The following FAM133B variants were observed in gnomAD, a reference collection of about 807,000 sequenced individuals.
FAM133B encodes the protein protein FAM133B.
Under a neutral mutation model 46.4 loss-of-function variants are expected in FAM133B, and 25 were observed. The ratio of observed to expected loss-of-function variants is 0.54; its 90% CI spans 0.39 to 0.75. FAM133B has a LOEUF of 0.75. FAM133B is among the 30% of genes least tolerant of loss of function. The pLI is 0.00. For synonymous variants in FAM133B, 75 were observed against 86.0 expected, an observed-to-expected ratio of 0.87 and a Z score of 0.71; for missense variants, 205 against 277.6, an observed-to-expected ratio of 0.74 and a Z score of 1.86.
chr7:92,570,005 T>G (rs1271298175), intron 8 of FAM133B, 90 bp from the exon 9 acceptor site: 7 of 519,540 alleles, frequency 1.3e-5, no homozygotes, highest in Non-Finnish European at 6.2e-6. Flanking sequence ...CTTCTAATTA[T>G]TATAATTACC....
chr7:92,588,452 A>C (rs1406535139), intron 1 of FAM133B, among the ~76,000 whole-genome samples: 1 of 152,228 alleles, frequency 6.6e-6, no homozygotes, highest in Admixed American at 6.5e-5. Context: ...GTGTTATGCT[A>C]CATAATTTCA....
intron 2 of FAM133B, among the ~76,000 whole-genome samples, chr7:92,581,104 T>G (rs530965399): frequency 6.6e-6 from 1 of 152,222 alleles, no homozygotes; most frequent in East Asian, 1.9e-4. Flanking sequence ...AATCAGTCAG[T>G]TTTTCTAATT....
intron 8 of FAM133B, among the ~76,000 whole-genome samples, chr7:92,570,475 T>C (rs1015796412): frequency 6.6e-6 from 1 of 152,110 alleles, no homozygotes; most frequent in African/African-American, 2.4e-5. Context: ...CTTAAATATA[T>C]ATTTGAAGAA....
At chr7:92,581,998 C>T (rs1208561444) in intron 1 of FAM133B, among the ~76,000 whole-genome samples, 2 of 152,156 alleles carry the variant, frequency 1.3e-5, no homozygotes, top group African/African-American at 4.8e-5. Context: ...CCTGTAACCC[C>T]AGCACTTTGG....
chr7:92,570,172 T>C (rs1334676585), intron 8 of FAM133B, among the ~76,000 whole-genome samples: 1 of 152,160 alleles, frequency 6.6e-6, no homozygotes, highest in Non-Finnish European at 1.5e-5. Flanking sequence ...GAATAGACTT[T>C]ATACAGTCAT....
Position 92,590,359 on chromosome 7 carries a change from T to G in FAM133B, c.-68A>C. ...GCCGGAGAGACTGCCGAAGAGGGCCTGCCGCAGGTCCTCTTGCCGCCTCCC... is the reference window on the plus strand; with the variant it reads ...GCCGGAGAGACTGCCGAAGAGGGCCGGCCGCAGGTCCTCTTGCCGCCTCCC... On this transcript the variant is annotated 5_prime_UTR_variant, in exon 1 of 11. Transcript: ENST00000445716. The G allele has an allele frequency of 6.2e-7, 1 of 1,608,790 alleles. No homozygotes were observed. The highest frequency in any genetic ancestry group is 8.5e-7 in the Non-Finnish European group (1 of 1,177,598).
intron 8 of FAM133B, among the ~76,000 whole-genome samples, chr7:92,572,580 G>A (rs1206738057): frequency 1.3e-5 from 2 of 152,170 alleles, no homozygotes; most frequent in East Asian, 1.9e-4. Flanking sequence ...GTAGCTGGGC[G>A]TGGTGGCGCA....
intron 9 of FAM133B, among the ~76,000 whole-genome samples, chr7:92,568,820 T>C (rs974762781): frequency 6.6e-6 from 1 of 152,150 alleles, no homozygotes; most frequent in Non-Finnish European, 1.5e-5. Flanking sequence ...CACTGCAGCC[T>C]CAAACTCCAG....
In FAM133B at chr7:92,579,390, T is replaced by G. The variant is rs1286681716; in HGVS notation, c.128A>C (p.Glu43Ala). ...TTTCTTTTCTAGTTGCTCTTTTACT[T>G]CTTCCCTTAAAAAATAGAATGTACA... The part of the protein sequence containing the change: ...YLNRPRPTWE[E>A]VKEQLEKKKK... Residue 43 changes from glutamate (E) to alanine (A), a missense_variant, in exon 3 of 11, where the codon GAA (glutamate) becomes GCA (alanine). Physicochemically the swap from Glu to Ala is moderately radical, Grantham distance 107. Coordinates refer to ENST00000445716, the MANE Select transcript of FAM133B (RefSeq NM_152789.4). 2 of 1,601,844 alleles carry G rather than the reference T, an allele frequency of 1.2e-6. No homozygotes were observed. Among genetic ancestry groups the G allele is most frequent in the Non-Finnish European group, 1.7e-6 (2 of 1,174,786 alleles).
Position 92,568,742 on chromosome 7 carries a change from T to C in FAM133B, c.609+1081A>G, listed in dbSNP as rs904100436. 1.5e-4 allele frequency among the ~76,000 whole-genome samples: 23 copies of C among 152,144 alleles called. No individual in the cohort carries two copies. The South Asian group carries it at 3.5e-3, about 23-fold the overall frequency. On this transcript the variant is annotated intron_variant, in intron 9 of 10. Transcript: ENST00000445716. Reference sequence around the variant, plus strand: ...TTGCACATTATCATTATTATTTTTTTAGAGATGGGGTCTTGCTATGTCACC... The same window carrying C: ...TTGCACATTATCATTATTATTTTTTCAGAGATGGGGTCTTGCTATGTCACC...
At chr7:92,569,166 TA>T (rs2116385491) in intron 9 of FAM133B, among the ~76,000 whole-genome samples, 1 of 152,310 alleles carries the variant, frequency 6.6e-6, no homozygotes, top group East Asian at 1.9e-4. Flanking sequence ...TCTTTTAGAT[TA>T]CACTATTGGG....
At chr7:92,581,188 T>G (rs943829601) in intron 2 of FAM133B, among the ~76,000 whole-genome samples, 3 of 152,248 alleles carry the variant, frequency 2.0e-5, no homozygotes, top group African/African-American at 7.2e-5. Flanking sequence ...TACACATCAG[T>G]AAAGGACAAG....
At chr7:92,581,648 C>T (rs2116413986) in intron 1 of FAM133B, 45 bp from the exon 2 acceptor site, 1 of 1,453,408 alleles carries the variant, frequency 6.9e-7, no homozygotes, top group Non-Finnish European at 9.7e-7. Context: ...AATCATTAAA[C>T]ATGCAAAACC....
intron 8 of FAM133B, among the ~76,000 whole-genome samples, chr7:92,572,658 G>A (rs1187997889): frequency 6.6e-6 from 1 of 152,192 alleles, no homozygotes; most frequent in Non-Finnish European, 1.5e-5. Context: ...AGTGGAGGTT[G>A]CAGTGAGCCA....
intron 9 of FAM133B, among the ~76,000 whole-genome samples, chr7:92,567,500 A>C (rs1794391003): frequency 6.6e-6 from 1 of 152,174 alleles, no homozygotes; most frequent in South Asian, 2.1e-4. Flanking sequence ...AAAATATAAC[A>C]CATTAAGCAC....
chr7:92,585,141 T>C (rs1795005067), intron 1 of FAM133B, among the ~76,000 whole-genome samples: 1 of 151,946 alleles, frequency 6.6e-6, no homozygotes, highest in South Asian at 2.1e-4. Context: ...CCTCAACCAA[T>C]CCCAAACAGA....
At position 92,590,233 on chromosome 7, in the gene FAM133B, G is replaced by A. The variant is rs772806808; in HGVS notation, c.24+35C>T. ...TCTCGCTGTCCTGCCGCCGGGCCCTGCGTCGCCCCACTGTTTTCCCGGCTG... is the reference window on the plus strand; with the variant it reads ...TCTCGCTGTCCTGCCGCCGGGCCCTACGTCGCCCCACTGTTTTCCCGGCTG... On this transcript the variant is annotated intron_variant, in intron 1 of 10. Coordinates refer to ENST00000445716, the MANE Select transcript of FAM133B (RefSeq NM_152789.4). The A allele has an allele frequency of 3.3e-5, 54 of 1,613,604 alleles. No individual in the cohort carries two copies. The Middle Eastern group carries it at 8.3e-4, about 25-fold the overall frequency.
intron 10 of FAM133B, chr7:92,565,811 G>A (rs538537459): frequency 8.5e-6 from 5 of 589,292 alleles, no homozygotes; most frequent in Middle Eastern, 5.2e-4. Context: ...AACAGGACAT[G>A]CTTGCTACCA....
At chr7:92,565,979 T>A (rs773930695) in intron 10 of FAM133B, 35 bp downstream of exon 10, 1 of 1,608,394 alleles carries the variant, frequency 6.2e-7, no homozygotes. Context: ...AAAACACCTA[T>A]TCTATTGTCT....
Sources: gnomAD v4.1 joint callset for allele counts (sites outside exome capture counted in the v4.1 genomes callset) on GRCh38, gnomAD v4.1.1 for gene constraint, MANE v1.5 for transcripts, NCBI Gene and HGNC (gene_info 2026-07-23, HGNC 2026-07-21) for gene names.